The following DCDC2C variants were observed in gnomAD, a reference collection of about 807,000 sequenced individuals.
The protein encoded by DCDC2C is doublecortin domain-containing protein 2C.
In DCDC2C, 44 loss-of-function variants were observed where a neutral mutation model predicts 45.0. That is an observed-to-expected ratio of 0.98 (90% confidence interval 0.77 to 1.26). DCDC2C has a LOEUF of 1.26. DCDC2C is among the 50% of genes most tolerant of loss of function. DCDC2C has a pLI of 0.00. For missense variants in DCDC2C, 447 were observed against 468.9 expected (o/e 0.95, Z 0.43); for synonymous variants, 187 against 178.8 (o/e 1.05, Z -0.37).
chr2:3,807,166 T>G (rs531332556), intron 10 of DCDC2C, among the ~76,000 whole-genome samples: 1 of 152,242 alleles, frequency 6.6e-6, no homozygotes, highest in South Asian at 2.1e-4. Flanking sequence ...AATATGTAAT[T>G]GTGGTTAAGG....
At chr2:3,730,727 G>A (rs547223200) in intron 3 of DCDC2C, among the ~76,000 whole-genome samples, 10 of 152,250 alleles carry the variant, frequency 6.6e-5, no homozygotes, top group African/African-American at 1.7e-4. Context: ...AAACACTTGC[G>A]CCTGGGTCGT....
rs1172647242 is a variant in DCDC2C, at chr2:3,734,778, C to T, written c.417-7142C>T. On this transcript the variant is annotated intron_variant, in intron 3 of 10. Coordinates refer to ENST00000399143, the MANE Select transcript of DCDC2C (RefSeq NM_001287444.2). This position sits in a 1 kb window ranked among gnomAD's most constrained non-coding sequence, Gnocchi z 4.2. The stretch of plus-strand genomic sequence containing the variant: ...TTTTTATGTTTTGGGGAGAAGACTC[C>T]AAGACATGATCCTCTCCTTCATGCA... Among the ~76,000 whole-genome samples, 1 of 152,112 alleles carries T rather than the reference C, an allele frequency of 6.6e-6. No individual in the cohort carries two copies. The highest frequency in any genetic ancestry group is 2.4e-5 in the African/African-American group (1 of 41,406).
At position 3,769,396 on chromosome 2, in the gene DCDC2C, G is replaced by T. The variant is rs1239520697; in HGVS notation, c.939G>T (p.Glu313Asp). 1 of 1,550,462 alleles carries T rather than the reference G, an allele frequency of 6.4e-7. No individual in the cohort carries two copies. The highest frequency in any genetic ancestry group is 8.7e-7 in the Non-Finnish European group (1 of 1,146,912). The change falls in exon 8 of 11, where the codon GAG (glutamate) becomes GAT (aspartate). Residue 313 changes from glutamate to aspartate, a missense_variant. Glu to Asp is a conservative substitution (Grantham distance 45, BLOSUM62 2). Transcript: ENST00000399143. Reference sequence around the variant, plus strand: ...AAGAGGAGCACAATGTGCAGCTGGAGGTGCCTGTGGACCAGGTGGGTGTCC... The same window carrying T: ...AAGAGGAGCACAATGTGCAGCTGGATGTGCCTGTGGACCAGGTGGGTGTCC... Reference protein sequence around the residue: ...DVKEEHNVQLEVPVDQRQAEI... With the variant: ...DVKEEHNVQLDVPVDQRQAEI...
chr2:3,726,333 C>T (rs939689944), intron 2 of DCDC2C, among the ~76,000 whole-genome samples: 1 of 152,038 alleles, frequency 6.6e-6, no homozygotes, highest in Non-Finnish European at 1.5e-5. Flanking sequence ...AATCAGAGCT[C>T]CCCCCATTTG....
intron 9 of DCDC2C, 98 bp downstream of exon 9, chr2:3,778,982 AG>A: frequency 8.1e-7 from 1 of 1,228,128 alleles, no homozygotes. Context: ...TGAGATCACA[AG>A]TCGCTTCCAA....
At chr2:3,735,376 T>C (rs1354259535) in intron 3 of DCDC2C, among the ~76,000 whole-genome samples, 1 of 152,074 alleles carries the variant, frequency 6.6e-6, no homozygotes, top group African/African-American at 2.4e-5. Flanking sequence ...AACTCATCAT[T>C]TAGCATTAGG....
intron 2 of DCDC2C, among the ~76,000 whole-genome samples, chr2:3,711,491 C>A (rs1668208400): frequency 6.6e-6 from 1 of 152,122 alleles, no homozygotes; most frequent in Non-Finnish European, 1.5e-5. Context: ...ATATTCTTTG[C>A]AGGGACATGG....
chr2:3,730,941 G>C (rs915605446), intron 3 of DCDC2C, among the ~76,000 whole-genome samples: 2 of 152,124 alleles, frequency 1.3e-5, no homozygotes, highest in South Asian at 4.1e-4. Context: ...ATTTCCTCTC[G>C]AGTGTCGTCT....
At chr2:3,754,989 G>T (rs888540770) in intron 6 of DCDC2C, among the ~76,000 whole-genome samples, 5 of 152,232 alleles carry the variant, frequency 3.3e-5, no homozygotes, top group Admixed American at 2.6e-4. Flanking sequence ...CTCTGGCGGG[G>T]GGTGGGAGGA....
In DCDC2C at chr2:3,845,185, C is replaced by T. The variant is rs143359296; in HGVS notation, c.1066-1969C>T. ...CTCAGTTTAGAGCTAATAATAATAA[C>T]GAACTCACAGGCTGTTGGGAAAATT... On this transcript the variant is annotated intron_variant, in intron 10 of 10. Coordinates refer to ENST00000399143, the MANE Select transcript of DCDC2C (RefSeq NM_001287444.2). Among the ~76,000 whole-genome samples the T allele has an allele frequency of 6.6e-5, 10 of 152,240 alleles. No homozygotes were observed. The East Asian group carries it at 1.4e-3, about 21-fold the overall frequency.
chr2:3,800,732 C>G (rs1303639866), intron 10 of DCDC2C, among the ~76,000 whole-genome samples: 1 of 148,592 alleles, frequency 6.7e-6, no homozygotes, highest in Non-Finnish European at 1.5e-5. Context: ...TAATAACATT[C>G]ATAGTTTTCA....
Position 3,829,738 on chromosome 2 carries a change from C to T in DCDC2C, c.1066-17416C>T, listed in dbSNP as rs535017198. 9.9e-5 allele frequency among the ~76,000 whole-genome samples: 15 copies of T among 152,256 alleles called. No homozygotes were observed. The South Asian group carries it at 1.2e-3, about 13-fold the overall frequency. On this transcript the variant is annotated intron_variant, in intron 10 of 10. Coordinates refer to ENST00000399143, the MANE Select transcript of DCDC2C (RefSeq NM_001287444.2). Reference sequence around the variant, plus strand: ...TTTTCCCTGCTGTTTTTATGATTTTCGTTAAGACCACCCCAAGCAGAGTAG... The same window carrying T: ...TTTTCCCTGCTGTTTTTATGATTTTTGTTAAGACCACCCCAAGCAGAGTAG...
At chr2:3,771,915 C>T (rs186319376) in intron 8 of DCDC2C, among the ~76,000 whole-genome samples, 69 of 152,300 alleles carry the variant, frequency 4.5e-4, no homozygotes, top group South Asian at 4.1e-4. Flanking sequence ...TAGTGAAGGA[C>T]GGTTTGGCCC....
At chr2:3,771,350 T>A (rs1300775735) in intron 8 of DCDC2C, among the ~76,000 whole-genome samples, 2 of 152,160 alleles carry the variant, frequency 1.3e-5, no homozygotes, top group Non-Finnish European at 2.9e-5. Context: ...GAAAATCCCA[T>A]GCACTTAATC....
intron 10 of DCDC2C, among the ~76,000 whole-genome samples, chr2:3,786,682 C>G (rs1294498012): frequency 2.1e-5 from 3 of 144,972 alleles, no homozygotes; most frequent in South Asian, 2.3e-4. Flanking sequence ...CGCCTGTGCA[C>G]GGAGCCTCCG....
chr2:3,798,385 T>G (rs1463865205), intron 10 of DCDC2C, among the ~76,000 whole-genome samples: 1 of 151,366 alleles, frequency 6.6e-6, no homozygotes, highest in African/African-American at 2.4e-5. Context: ...AAGTTAATAT[T>G]GTTATGTGTG....
intron 10 of DCDC2C, among the ~76,000 whole-genome samples, chr2:3,815,276 AG>A (rs974163819): frequency 2.6e-5 from 4 of 152,108 alleles, no homozygotes; most frequent in Non-Finnish European, 5.9e-5. Context: ...GCTGGTGGGG[AG>A]GGGGCTCCCC....
In DCDC2C at chr2:3,767,843, G is replaced by T. The variant is rs113339912; in HGVS notation, c.816G>T (p.Lys272Asn). 3 of 1,542,988 alleles carry T rather than the reference G, an allele frequency of 1.9e-6. No homozygotes were observed. The highest frequency in any genetic ancestry group is 2.8e-5 in the African/African-American group (2 of 72,366). ...TTTATTATGCCAAAGAAGAAAAGAA[G>T]AAAACATTGGCAGAACCTTTAGTCC... Reference protein sequence around the residue: ...DSVYYAKEEKKKTLAEPLVQR... With the variant: ...DSVYYAKEEKNKTLAEPLVQR... The change falls in exon 7 of 11, where the codon AAG (lysine) becomes AAT (asparagine). Residue 272 changes from lysine (K) to asparagine (N), a missense_variant. By Grantham distance (94) the Lys-to-Asn change is moderately conservative (BLOSUM62 0). Coordinates refer to ENST00000399143, the MANE Select transcript of DCDC2C (RefSeq NM_001287444.2).
intron 6 of DCDC2C, among the ~76,000 whole-genome samples, chr2:3,766,153 C>T (rs963391408): frequency 6.6e-6 from 1 of 152,008 alleles, no homozygotes; most frequent in Non-Finnish European, 1.5e-5. Context: ...TGGGTCACAC[C>T]GTGGGTGGTT....
Sources: gnomAD v4.1 joint callset for allele counts (sites outside exome capture counted in the v4.1 genomes callset) on GRCh38, gnomAD v4.1.1 for gene constraint, Gnocchi (gnomAD v3.1) non-coding constraint, MANE v1.5 for transcripts, NCBI Gene and HGNC (gene_info 2026-07-23, HGNC 2026-07-21) for gene names.